Variants in FAM228B observed in about 807,000 individuals in gnomAD.
FAM228B encodes the protein protein FAM228B.
FAM228B carries 38 observed loss-of-function variants against 42.6 expected under a neutral mutation model. The observed-to-expected ratio is 0.89, with a 90% CI of 0.69 to 1.17. The LOEUF (loss-of-function observed/expected upper bound fraction) is 1.17, where lower values mean the gene tolerates loss of function less well. Among genes scored for constraint, FAM228B ranks in the 50% most tolerant of loss-of-function variants. The pLI is 0.00. For synonymous variants in FAM228B, 109 were observed against 122.3 expected (o/e 0.89, Z 0.72); for missense variants, 344 against 367.3 (o/e 0.94, Z 0.52).
intron 5 of FAM228B, among the ~76,000 whole-genome samples, chr2:24,145,523 C>T (rs181941079): frequency 8.7e-4 from 133 of 152,216 alleles, no homozygotes; most frequent in Non-Finnish European, 1.4e-3. Context: ...CCTCCATTAC[C>T]CCAGATGCAC....
intron 3 of FAM228B, among the ~76,000 whole-genome samples, chr2:24,106,549 A>G (rs1255887769): frequency 6.6e-6 from 1 of 151,762 alleles, no homozygotes; most frequent in Non-Finnish European, 1.5e-5. Context: ...CAAACTCCTG[A>G]CCTCAGGTGA....
intron 5 of FAM228B, among the ~76,000 whole-genome samples, chr2:24,140,697 C>T (rs1666721540): frequency 6.6e-6 from 1 of 151,948 alleles, no homozygotes; most frequent in Non-Finnish European, 1.5e-5. Flanking sequence ...CGCAGTGGCT[C>T]ATGCCTGTAA....
intron 3 of FAM228B, chr2:24,096,892 G>C (rs1301489847): frequency 1.3e-5 from 2 of 152,212 alleles, no homozygotes; most frequent in Non-Finnish European, 2.9e-5. Context: ...GAGAAAGGTT[G>C]AGTTACCCAC....
At chr2:24,107,338 C>T (rs12473488) in intron 3 of FAM228B, among the ~76,000 whole-genome samples, 18,109 of 152,084 alleles carry the variant, frequency 0.12, 1,264 homozygotes, top group South Asian at 0.18. Flanking sequence ...TGGGAGACTT[C>T]AACACCCCAC....
At chr2:24,098,664 C>T (rs566158002) in intron 3 of FAM228B, among the ~76,000 whole-genome samples, 6 of 152,220 alleles carry the variant, frequency 3.9e-5, no homozygotes, top group African/African-American at 1.4e-4. Flanking sequence ...AAAAAAAGTC[C>T]AGGACCAGAT....
upstream of FAM228B, among the ~76,000 whole-genome samples, chr2:24,120,031 G>A (rs1299209153): frequency 6.6e-6 from 1 of 152,130 alleles, no homozygotes; most frequent in East Asian, 1.9e-4. Flanking sequence ...CACTTTGGGA[G>A]GCCAAGGCAG....
chr2:24,104,999 G>A (rs546280539), intron 3 of FAM228B, among the ~76,000 whole-genome samples: 5 of 152,288 alleles, frequency 3.3e-5, no homozygotes, highest in Middle Eastern at 3.4e-3. Context: ...CTGGCCCAGT[G>A]GCTCTACTTC....
chr2:24,124,516 G>C, intron 2 of FAM228B, 56 bp downstream of exon 2: 4 of 1,084,448 alleles, frequency 3.7e-6, no homozygotes, highest in Non-Finnish European at 5.3e-6. Flanking sequence ...CGTTGCAGTA[G>C]GAAGTGGCTT....
intron 3 of FAM228B, among the ~76,000 whole-genome samples, chr2:24,136,879 C>A (rs1304791955): frequency 6.6e-6 from 1 of 152,100 alleles, no homozygotes; most frequent in African/African-American, 2.4e-5. Flanking sequence ...AAACTTTTTC[C>A]TTACTCCAAA....
At position 24,077,507 on chromosome 2, in the gene FAM228B, T is replaced by C; in HGVS notation, c.-290+538T>C. The C allele has an allele frequency of 6.7e-7, 1 of 1,494,368 alleles. No homozygotes were observed. The highest frequency in any genetic ancestry group is 9.0e-7 in the Non-Finnish European group (1 of 1,114,824). The allele number at this position is 1,494,368 out of a possible 1,614,324, so 92.6% of individuals were successfully genotyped here. A position where few individuals can be genotyped will look rare whatever the true frequency, so the allele number is the denominator to read the frequency against. ...GAAGCACCGGGTTTCTTGGCCTGTC[T>C]ATTGTGAATCTTCTCCAGGTTTGCT... On this transcript the variant is annotated intron_variant, in intron 1 of 10. Transcript: ENST00000613899. The surrounding 1 kb of genome is among the most constrained non-coding windows in gnomAD (Gnocchi z 5.5).
intron 2 of FAM228B, among the ~76,000 whole-genome samples, chr2:24,087,883 C>A (rs546293926): frequency 8.6e-5 from 13 of 151,628 alleles, no homozygotes; most frequent in Non-Finnish European, 1.0e-4. Flanking sequence ...TGCACGCTGC[C>A]ACGCCCAGCT....
intron 2 of FAM228B, among the ~76,000 whole-genome samples, chr2:24,125,636 A>G (rs866526104): frequency 4.0e-5 from 6 of 151,738 alleles, no homozygotes; most frequent in Middle Eastern, 3.4e-3. Flanking sequence ...TCTCGGCTCA[A>G]TGCAACCTCT....
At chr2:24,143,318 C>A (rs1021988551) in intron 5 of FAM228B, among the ~76,000 whole-genome samples, 18 of 148,166 alleles carry the variant, frequency 1.2e-4, no homozygotes, top group African/African-American at 4.0e-4. Context: ...GTAGCTGGGA[C>A]TACAGGCGCC....
intron 2 of FAM228B, among the ~76,000 whole-genome samples, chr2:24,134,786 A>G (rs1666540963): frequency 6.6e-6 from 1 of 152,220 alleles, no homozygotes; most frequent in Non-Finnish European, 1.5e-5. Context: ...CCCCGTCTCT[A>G]TCAAAAACAC....
At chr2:24,117,017 T>TC (rs1448347487) in intron 3 of FAM228B, among the ~76,000 whole-genome samples, 1 of 116,182 alleles carries the variant, frequency 8.6e-6, no homozygotes, top group Non-Finnish European at 2.0e-5. Context: ...ATCCTGCATT[T>TC]TTTTTTTTTT....
At chr2:24,122,725 CAG>C (rs1010741995), upstream of FAM228B, 3 of 483,902 alleles carry the variant, frequency 6.2e-6, no homozygotes, top group African/African-American at 5.9e-5. Flanking sequence ...AAGAGGAAAA[CAG>C]AATCATAGAA....
rs1664827599 is a variant in FAM228B at position 24,077,868 on chromosome 2, C to T, written c.-290+899C>T. 1 of 1,223,662 alleles carries T rather than the reference C, an allele frequency of 8.2e-7. No individual in the cohort carries two copies. The highest frequency in any genetic ancestry group is 1.5e-5 in the South Asian group (1 of 68,924). 75.8% of individuals were successfully genotyped at this position (1,223,662 alleles called of 1,614,324 possible). ...CTCTGAAGCCACGTATCTGAAAAAGCACACAGGGACACTTAACCCCTCACT... is the reference window on the plus strand; with the variant it reads ...CTCTGAAGCCACGTATCTGAAAAAGTACACAGGGACACTTAACCCCTCACT... On this transcript the variant is annotated intron_variant, in intron 1 of 10. Coordinates refer to the FAM228B transcript ENST00000613899. This position sits in a 1 kb window ranked among gnomAD's most constrained non-coding sequence, Gnocchi z 5.5.
chr2:24,130,460 C>T (rs1467909648), intron 2 of FAM228B, among the ~76,000 whole-genome samples: 4 of 152,184 alleles, frequency 2.6e-5, no homozygotes, highest in African/African-American at 4.8e-5. Flanking sequence ...TCTCCACAGC[C>T]TCACAAGCAT....
At chr2:24,168,709 A>G (rs915455000) in intron 10 of FAM228B, among the ~76,000 whole-genome samples, 4 of 152,182 alleles carry the variant, frequency 2.6e-5, no homozygotes, top group Admixed American at 1.3e-4. Context: ...CCTGATGGGA[A>G]TGCTCCCATA....
Sources: gnomAD v4.1 joint callset for allele counts (sites outside exome capture counted in the v4.1 genomes callset) on GRCh38, gnomAD v4.1.1 for gene constraint, Gnocchi (gnomAD v3.1) non-coding constraint, MANE v1.5 for transcripts, NCBI Gene and HGNC (gene_info 2026-07-23, HGNC 2026-07-21) for gene names.